Variants in CCSER2 observed in about 807,000 individuals in gnomAD.
CCSER2 encodes the protein coiled-coil serine rich protein 2.
Under a neutral mutation model 92.3 loss-of-function variants are expected in CCSER2, and 46 were observed. That is an observed-to-expected ratio of 0.50 (90% CI 0.39 to 0.64). CCSER2 has a LOEUF of 0.64. CCSER2 is among the 30% of genes least tolerant of loss of function. CCSER2 has a pLI of 0.00. For missense variants in CCSER2, 1,244 were observed against 1,238.9 expected (o/e 1.00, Z -0.06); for synonymous variants, 433 against 431.4 (o/e 1.00, Z -0.04).
At chr10:84,449,391 T>C (rs930615999) in intron 6 of CCSER2, among the ~76,000 whole-genome samples, 2 of 150,868 alleles carry the variant, frequency 1.3e-5, no homozygotes, top group Admixed American at 6.6e-5. Flanking sequence ...AAAATCAGAA[T>C]AGACAATTCC....
intron 5 of CCSER2, among the ~76,000 whole-genome samples, chr10:84,426,443 G>T (rs1000055821): frequency 2.6e-5 from 4 of 152,112 alleles, no homozygotes; most frequent in African/African-American, 9.7e-5. Context: ...AACCTGACCT[G>T]GCGCAGATTA....
At chr10:84,440,790 A>AT (rs1202165651) in intron 6 of CCSER2, among the ~76,000 whole-genome samples, 2 of 152,212 alleles carry the variant, frequency 1.3e-5, no homozygotes, top group Non-Finnish European at 2.9e-5. Context: ...TTTGATTGAT[A>AT]TTAATAAGTT....
At chr10:84,429,653 T>G (rs1843653497) in intron 5 of CCSER2, among the ~76,000 whole-genome samples, 1 of 146,484 alleles carries the variant, frequency 6.8e-6, no homozygotes, top group Non-Finnish European at 1.5e-5. Context: ...GATTTTCACT[T>G]TTTCTTTGGC....
intron 5 of CCSER2, among the ~76,000 whole-genome samples, chr10:84,434,092 A>G (rs1177118646): frequency 2.0e-5 from 3 of 152,204 alleles, no homozygotes. Context: ...ACAGAGGTAC[A>G]AATGTATCAA....
chr10:84,484,336 C>T (rs955170959), intron 9 of CCSER2, among the ~76,000 whole-genome samples: 1 of 151,796 alleles, frequency 6.6e-6, no homozygotes, highest in African/African-American at 2.4e-5. Flanking sequence ...TGGTCTTGAA[C>T]TCCTGACCTC....
intron 6 of CCSER2, among the ~76,000 whole-genome samples, chr10:84,447,489 G>C (rs1374001184): frequency 6.6e-6 from 1 of 152,136 alleles, no homozygotes; most frequent in Non-Finnish European, 1.5e-5. Context: ...CCATTGTGTA[G>C]AGTGTTTTTT....
Position 84,517,586 on chromosome 10 carries a change from T to G in CCSER2, c.*3319T>G, listed in dbSNP as rs1849638028. The G allele has an allele frequency of 6.6e-6, 1 of 152,644 alleles. No individual in the cohort carries two copies. Among genetic ancestry groups the G allele is most frequent in the South Asian group, 2.1e-4 (1 of 4,828 alleles). 9.5% of individuals were successfully genotyped at this position (152,644 alleles called of 1,614,324 possible). On this transcript the variant is annotated 3_prime_UTR_variant, in exon 10 of 10. Transcript: ENST00000372088. ...CCTGAAATATCGAATTGCCTCCTAT[T>G]GGGTGTGGCTTTGTTGAAATAAATT...
At chr10:84,499,848 C>G (rs745492976) in intron 9 of CCSER2, 1 of 1,608,750 alleles carries the variant, frequency 6.2e-7, no homozygotes, top group Non-Finnish European at 8.5e-7. Context: ...TTTATTATAC[C>G]TCCCTACCCC....
At chr10:84,391,996 AC>A in intron 3 of CCSER2, 1 of 1,330,242 alleles carries the variant, frequency 7.5e-7, no homozygotes, top group Non-Finnish European at 1.1e-6. Flanking sequence ...CATTTCTCTG[AC>A]CAGTTTCCTC....
At chr10:84,331,457 C>T (rs1202409348) in intron 1 of CCSER2, among the ~76,000 whole-genome samples, 1 of 152,140 alleles carries the variant, frequency 6.6e-6, no homozygotes, top group Non-Finnish European at 1.5e-5. Context: ...TCCAGATGCC[C>T]CATAACAAGT....
At chr10:84,505,394 A>C (rs1848987176) in intron 9 of CCSER2, among the ~76,000 whole-genome samples, 1 of 152,118 alleles carries the variant, frequency 6.6e-6, no homozygotes, top group South Asian at 2.1e-4. Context: ...TGATGTGTCA[A>C]ATGTGTATTT....
At chr10:84,457,343 T>A (rs866072125) in intron 6 of CCSER2, among the ~76,000 whole-genome samples, 81 of 60,924 alleles carry the variant, frequency 1.3e-3, no homozygotes, top group African/African-American at 3.0e-3. Context: ...TATTATATAT[T>A]ATATATAATA....
chr10:84,352,076 G>A (rs889830799), intron 1 of CCSER2, among the ~76,000 whole-genome samples: 1 of 152,066 alleles, frequency 6.6e-6, no homozygotes, highest in Admixed American at 6.5e-5. Flanking sequence ...CGAGGCAGGC[G>A]GATCACGAGG....
At chr10:84,381,001 C>G (rs1056927839) in intron 3 of CCSER2, among the ~76,000 whole-genome samples, 6 of 152,130 alleles carry the variant, frequency 3.9e-5, no homozygotes, top group Non-Finnish European at 8.8e-5. Context: ...TGCCCAGCCT[C>G]TCTGTGTTCC....
chr10:84,391,609 T>A, intron 3 of CCSER2: 1 of 1,529,734 alleles, frequency 6.5e-7, no homozygotes, highest in Non-Finnish European at 9.0e-7. Flanking sequence ...AGATGCAGCC[T>A]TATATTCCTA....
intron 7 of CCSER2, among the ~76,000 whole-genome samples, chr10:84,466,099 C>A (rs1009728984): frequency 1.3e-5 from 2 of 152,200 alleles, no homozygotes; most frequent in Admixed American, 1.3e-4. Context: ...TCCTTCCAGG[C>A]AGATTATTCC....
intron 1 of CCSER2, among the ~76,000 whole-genome samples, chr10:84,350,144 C>T (rs1002669615): frequency 6.6e-6 from 1 of 152,156 alleles, no homozygotes; most frequent in African/African-American, 2.4e-5. Flanking sequence ...CAGCGAGATT[C>T]CGTCTCCAAA....
At chr10:84,436,014 C>T (rs1046054246) in intron 5 of CCSER2, among the ~76,000 whole-genome samples, 3 of 152,044 alleles carry the variant, frequency 2.0e-5, no homozygotes, top group African/African-American at 7.2e-5. Flanking sequence ...TTGGGAATCT[C>T]AGGTAATTAG....
intron 9 of CCSER2, among the ~76,000 whole-genome samples, chr10:84,482,302 C>T (rs1847504378): frequency 6.6e-6 from 1 of 151,944 alleles, no homozygotes; most frequent in Non-Finnish European, 1.5e-5. Flanking sequence ...AAATGAGTAA[C>T]GCGAAAAGAA....
Sources: gnomAD v4.1 joint callset for allele counts (sites outside exome capture counted in the v4.1 genomes callset) on GRCh38, gnomAD v4.1.1 for gene constraint, MANE v1.5 for transcripts, NCBI Gene and HGNC (gene_info 2026-07-23, HGNC 2026-07-21) for gene names.